ANKRD28: variants seen among roughly 807,000 people sequenced by gnomAD.
ANKRD28 encodes serine/threonine-protein phosphatase 6 regulatory ankyrin repeat subunit A.
ANKRD28 carries 44 observed loss-of-function variants against 126.5 expected under a neutral mutation model. The ratio of observed to expected loss-of-function variants is 0.35; its 90% CI spans 0.27 to 0.45. ANKRD28 has a LOEUF of 0.45. Ranked by LOEUF, ANKRD28 falls within the 20% of genes least tolerant of loss-of-function variation. The probability of loss-of-function intolerance (pLI) is 1.00; values close to 1 mark genes in which losing one functional copy is unlikely to be tolerated. For missense variants in ANKRD28, 1,110 were observed against 1,316.6 expected, an observed-to-expected ratio of 0.84 and a Z score of 2.43; for synonymous variants, 442 against 468.5, an observed-to-expected ratio of 0.94 and a Z score of 0.73.
chr3:15,732,644 C>T (rs889054931), intron 6 of ANKRD28: 1 of 152,170 alleles, frequency 6.6e-6, no homozygotes. Context: ...GTTAACAACC[C>T]TAGATCAAGT....
intron 27 of ANKRD28, among the ~76,000 whole-genome samples, chr3:15,675,426 G>GAACT (rs2066836091): frequency 6.6e-6 from 1 of 152,056 alleles, no homozygotes; most frequent in Non-Finnish European, 1.5e-5. Context: ...AAGGATGAGG[G>GAACT]AACTAATGTT....
chr3:15,727,712 G>A (rs2074283079), intron 6 of ANKRD28, among the ~76,000 whole-genome samples: 1 of 152,074 alleles, frequency 6.6e-6, no homozygotes, highest in Admixed American at 6.6e-5. Flanking sequence ...CTTCAGCGAA[G>A]GAAATAACTA....
At chr3:15,702,435 T>C (rs1000055938) in intron 14 of ANKRD28, among the ~76,000 whole-genome samples, 5 of 152,186 alleles carry the variant, frequency 3.3e-5, no homozygotes, top group Admixed American at 6.5e-5. Flanking sequence ...AATTAAGAAA[T>C]GAAGATTCTC....
chr3:15,819,717 AC>A (rs1233018290), intron 1 of ANKRD28, among the ~76,000 whole-genome samples: 4 of 152,336 alleles, frequency 2.6e-5, no homozygotes, highest in African/African-American at 9.6e-5. Flanking sequence ...ATTACAAAAA[AC>A]AATGCTTTCC....
chr3:15,768,684 G>A (rs529931271), intron 2 of ANKRD28, among the ~76,000 whole-genome samples: 11 of 152,076 alleles, frequency 7.2e-5, no homozygotes, highest in African/African-American at 2.7e-4. Context: ...GGGGGCAAAT[G>A]TGTGTAACAT....
intron 3 of ANKRD28, among the ~76,000 whole-genome samples, chr3:15,763,484 T>TA (rs1474583895): frequency 3.3e-5 from 5 of 151,972 alleles, no homozygotes; most frequent in Admixed American, 2.0e-4. Context: ...CTGGAGGAGA[T>TA]AAAACGACAG....
chr3:15,700,801 A>G (rs922717503), intron 14 of ANKRD28, among the ~76,000 whole-genome samples: 2 of 152,162 alleles, frequency 1.3e-5, no homozygotes, highest in African/African-American at 4.8e-5. Flanking sequence ...GCCATAATTT[A>G]CAATTTTAAT....
intron 6 of ANKRD28, chr3:15,732,433 G>C (rs1276229071): frequency 3.9e-5 from 6 of 152,314 alleles, no homozygotes; most frequent in Non-Finnish European, 7.3e-5. Context: ...CCCAATCCCA[G>C]GGGAGCTGGT....
chr3:15,765,669 G>A (rs1235030161), intron 3 of ANKRD28, among the ~76,000 whole-genome samples: 4 of 151,876 alleles, frequency 2.6e-5, no homozygotes, highest in Admixed American at 6.6e-5. Flanking sequence ...GTGAAACCCC[G>A]TCTCTACTAA....
chr3:15,766,242 A>G lies in ANKRD28; in HGVS notation c.272T>C (p.Ile91Thr). ...LGDAEIIELL[I>T]LSGARVNAKD... ...CTCAGAGGTTACCATACCAGATAAA[A>G]TAAGAAGTTCAATGATTTCTGCATC... The change falls in exon 3 of 28, where the codon ATT (isoleucine) becomes ACT (threonine). Residue 91 changes from isoleucine to threonine, a missense_variant. By Grantham distance (89) the Ile-to-Thr change is moderately conservative. Coordinates refer to ENST00000683139, the MANE Select transcript of ANKRD28 (RefSeq NM_001349278.2). The G allele has an allele frequency of 1.9e-6, 3 of 1,610,408 alleles. No homozygotes were observed. Among genetic ancestry groups the G allele is most frequent in the Non-Finnish European group, 2.5e-6 (3 of 1,177,612 alleles).
At chr3:15,773,526 G>C (rs2059117618) in intron 2 of ANKRD28, among the ~76,000 whole-genome samples, 1 of 152,166 alleles carries the variant, frequency 6.6e-6, no homozygotes, top group Admixed American at 6.5e-5. Flanking sequence ...TTGAGAAGCT[G>C]AGGCAGGAGA....
rs1275157626 is a variant in ANKRD28 at position 15,796,768 on chromosome 3, A to T, written c.-247T>A. The T allele has an allele frequency of 2.0e-6, 2 of 988,780 alleles. No individual in the cohort carries two copies. Among genetic ancestry groups the T allele is most frequent in the Non-Finnish European group, 2.4e-6 (2 of 831,722 alleles). The allele number at this position is 988,780 out of a possible 1,614,324, so 61.3% of individuals were successfully genotyped here. On this transcript the variant is annotated 5_prime_UTR_variant, in exon 1 of 28. Transcript: ENST00000683139. Reference sequence around the variant, plus strand: ...TTTCTGTTGGATTACTGCAATACTTAAGAAGAAATTTCACACCAACATGTC... The same window carrying T: ...TTTCTGTTGGATTACTGCAATACTTTAGAAGAAATTTCACACCAACATGTC...
At chr3:15,723,025 C>T (rs1259634352) in intron 7 of ANKRD28, among the ~76,000 whole-genome samples, 2 of 152,196 alleles carry the variant, frequency 1.3e-5, no homozygotes, top group Admixed American at 6.5e-5. Context: ...AACAAATAGT[C>T]ACCAGAGTTT....
intron 1 of ANKRD28, among the ~76,000 whole-genome samples, chr3:15,823,792 A>G (rs1031886415): frequency 6.6e-6 from 1 of 152,240 alleles, no homozygotes; most frequent in Non-Finnish European, 1.5e-5. Context: ...TATCACATTA[A>G]TAAAATGAAA....
intron 6 of ANKRD28, chr3:15,732,434 G>A (rs1246819699): frequency 6.6e-6 from 1 of 152,290 alleles, no homozygotes; most frequent in African/African-American, 2.4e-5. Context: ...CCAATCCCAG[G>A]GGAGCTGGTA....
intron 3 of ANKRD28, among the ~76,000 whole-genome samples, chr3:15,759,866 T>C (rs887699901): frequency 4.6e-5 from 7 of 152,148 alleles, no homozygotes; most frequent in African/African-American, 1.7e-4. Context: ...TGTCCTAAAA[T>C]CCCTAAAAAT....
At chr3:15,701,009 C>G (rs1360719480) in intron 14 of ANKRD28, among the ~76,000 whole-genome samples, 1 of 152,026 alleles carries the variant, frequency 6.6e-6, no homozygotes, top group Non-Finnish European at 1.5e-5. Flanking sequence ...ATACGTCTAC[C>G]CAAATATTAA....
At chr3:15,779,774 A>C (rs751832769) in intron 2 of ANKRD28, among the ~76,000 whole-genome samples, 5 of 152,232 alleles carry the variant, frequency 3.3e-5, no homozygotes, top group Non-Finnish European at 5.9e-5. Flanking sequence ...GTTGTAATCT[A>C]GACACTGCTC....
intron 1 of ANKRD28, among the ~76,000 whole-genome samples, chr3:15,823,132 G>C (rs1452909285): frequency 6.6e-6 from 1 of 152,168 alleles, no homozygotes; most frequent in Non-Finnish European, 1.5e-5. Flanking sequence ...CATGGAGCGG[G>C]GGGCGTTGGG....
Sources: allele counts gnomAD v4.1 joint callset (sites outside exome capture counted in the v4.1 genomes callset), GRCh38; gene constraint gnomAD v4.1.1; transcripts MANE v1.5; gene names NCBI Gene and HGNC (gene_info 2026-07-23, HGNC 2026-07-21).